The following RASAL2 variants were observed in gnomAD, a reference collection of about 807,000 sequenced individuals.
RASAL2 encodes the protein RAS protein activator like 2.
Under a neutral mutation model 128.9 loss-of-function variants are expected in RASAL2, and 58 were observed. The observed-to-expected ratio is 0.45, with a 90% confidence interval of 0.36 to 0.56. The LOEUF (loss-of-function observed/expected upper bound fraction) is 0.56. Among genes scored for constraint, RASAL2 ranks in the 20% least tolerant of loss-of-function variants. RASAL2 has a pLI of 0.00. For missense variants in RASAL2, 1,360 were observed against 1,601.6 expected (o/e 0.85, Z 2.57); for synonymous variants, 561 against 580.8 (o/e 0.97, Z 0.49).
At chr1:178,389,142 C>T (rs1470424394) in intron 3 of RASAL2, 4 of 309,500 alleles carry the variant, frequency 1.3e-5, no homozygotes, top group African/African-American at 6.8e-5. Context: ...TCCGGAGTTA[C>T]GATTTACTCC....
At chr1:178,454,338 C>T (rs1460322996) in intron 11 of RASAL2, 109 bp from the exon 12 acceptor site, 1 of 787,798 alleles carries the variant, frequency 1.3e-6, no homozygotes, top group East Asian at 2.7e-5. Context: ...CAAAATTAGT[C>T]ATTCCCTCCA....
chr1:178,328,840 A>G (rs553324921), intron 3 of RASAL2, among the ~76,000 whole-genome samples: 10 of 152,240 alleles, frequency 6.6e-5, no homozygotes, highest in African/African-American at 2.2e-4. Flanking sequence ...ACAAATCACA[A>G]TTACCAGTAG....
intron 1 of RASAL2, among the ~76,000 whole-genome samples, chr1:178,211,844 C>CA (rs1263191598): frequency 1.3e-5 from 2 of 152,148 alleles, no homozygotes; most frequent in African/African-American, 4.8e-5. Context: ...ACCATCGTAA[C>CA]AGTTACTTGT....
intron 1 of RASAL2, among the ~76,000 whole-genome samples, chr1:178,208,471 T>TG (rs1663133215): frequency 6.6e-6 from 1 of 151,830 alleles, no homozygotes; most frequent in Non-Finnish European, 1.5e-5. Context: ...CTTACTAGGG[T>TG]GGGAAAAAAA....
At position 178,205,348 on chromosome 1, in the gene RASAL2, A is replaced by G. The variant is rs558284740; in HGVS notation, c.203-78216A>G. ...AAAATACATGCTTGTGTGAATTAAC[A>G]GGCTATACCAGATCTTAGAGAAATT... On this transcript the variant is annotated intron_variant, in intron 1 of 17. Coordinates refer to ENST00000367649, the MANE Select transcript of RASAL2 (RefSeq NM_170692.4). 2.4e-3 allele frequency among the ~76,000 whole-genome samples: 370 copies of G among 152,314 alleles called. 1 individual carries two copies. The highest frequency in any genetic ancestry group is 8.6e-3 in the African/African-American group (359 of 41,570).
At chr1:178,413,114 G>A (rs1050471417) in intron 4 of RASAL2, among the ~76,000 whole-genome samples, 1 of 151,590 alleles carries the variant, frequency 6.6e-6, no homozygotes, top group South Asian at 2.1e-4. Flanking sequence ...GCAGTGGCAC[G>A]ATCTCCGGCT....
intron 1 of RASAL2, among the ~76,000 whole-genome samples, chr1:178,239,699 A>G (rs1272743214): frequency 1.3e-5 from 2 of 152,052 alleles, no homozygotes; most frequent in East Asian, 3.8e-4. Flanking sequence ...CACCATCCAT[A>G]TATCACAGTA....
intron 3 of RASAL2, among the ~76,000 whole-genome samples, chr1:178,366,583 A>ACCC (rs1170150772): frequency 5.3e-4 from 20 of 37,914 alleles, no homozygotes; most frequent in East Asian, 2.2e-3. Context: ...GGTACCTCCC[A>ACCC]CCCCCCCCCG....
At chr1:178,350,834 T>C (rs1571907492) in intron 3 of RASAL2, among the ~76,000 whole-genome samples, 4 of 152,220 alleles carry the variant, frequency 2.6e-5, no homozygotes, top group Admixed American at 2.6e-4. Context: ...AATCTTACTC[T>C]GGTTGGATGT....
At chr1:178,278,804 T>TG (rs1666644034) in intron 1 of RASAL2, among the ~76,000 whole-genome samples, 1 of 152,184 alleles carries the variant, frequency 6.6e-6, no homozygotes, top group South Asian at 2.1e-4. Context: ...AGAAAAAAGT[T>TG]GGAGTGTGTC....
chr1:178,446,585 T>C (rs558444540), intron 9 of RASAL2, among the ~76,000 whole-genome samples: 1 of 152,308 alleles, frequency 6.6e-6, no homozygotes, highest in South Asian at 2.1e-4. Flanking sequence ...TTCACATGTA[T>C]CACACATTTT....
rs1467678024 is a variant in RASAL2 at position 178,255,173 on chromosome 1, G to T, written c.203-28391G>T. 2.0e-5 allele frequency among the ~76,000 whole-genome samples: 3 copies of T among 152,114 alleles called. No homozygotes were observed. In the East Asian group the frequency reaches 5.8e-4, roughly 29 times the overall value. ...CAAAAACTGAGACAAATTGTCACCA[G>T]CAGACTTGCCGTAGAGGAAATACTA... On this transcript the variant is annotated intron_variant, in intron 1 of 17. Transcript: ENST00000367649.
At chr1:178,411,822 A>G (rs878926361) in intron 4 of RASAL2, 2 of 768,290 alleles carry the variant, frequency 2.6e-6, no homozygotes, top group South Asian at 1.4e-5. Flanking sequence ...GCAAGGAGCC[A>G]GGTATCACTG....
At chr1:178,294,932 T>C (rs905557120) in intron 2 of RASAL2, among the ~76,000 whole-genome samples, 1 of 152,126 alleles carries the variant, frequency 6.6e-6, no homozygotes, top group African/African-American at 2.4e-5. Flanking sequence ...CTGAAGTATA[T>C]TGAAAACAGA....
chr1:178,134,561 GCAGGAGACCGATGATTAA>G (rs1206623377), intron 1 of RASAL2, among the ~76,000 whole-genome samples: 2 of 151,732 alleles, frequency 1.3e-5, no homozygotes, highest in East Asian at 3.9e-4. Flanking sequence ...TATTCTAATT[GCAGGAGACCGATGATTAA>G]CAGCAAAAAC....
intron 9 of RASAL2, among the ~76,000 whole-genome samples, chr1:178,447,757 A>C (rs1009125645): frequency 7.9e-5 from 12 of 151,704 alleles, no homozygotes; most frequent in Non-Finnish European, 1.2e-4. Context: ...GCAAGTAAGA[A>C]TAGAGAGGAA....
chr1:178,172,013 T>A (rs1661721796), intron 1 of RASAL2, among the ~76,000 whole-genome samples: 1 of 152,000 alleles, frequency 6.6e-6, no homozygotes, highest in Non-Finnish European at 1.5e-5. Flanking sequence ...GTTCTTCCTT[T>A]CCTTCCATTC....
intron 1 of RASAL2, among the ~76,000 whole-genome samples, chr1:178,230,379 C>G (rs1663954570): frequency 6.6e-6 from 1 of 152,106 alleles, no homozygotes; most frequent in Admixed American, 6.5e-5. Flanking sequence ...CAAACATGTT[C>G]CATAGAAATT....
At chr1:178,143,025 C>A (rs562624586) in intron 1 of RASAL2, among the ~76,000 whole-genome samples, 116 of 151,858 alleles carry the variant, frequency 7.6e-4, no homozygotes, top group Non-Finnish European at 1.5e-3. Context: ...CTTCACAGGC[C>A]CTGACTGTCT....
Sources: allele counts gnomAD v4.1 joint callset (sites outside exome capture counted in the v4.1 genomes callset), GRCh38; gene constraint gnomAD v4.1.1; transcripts MANE v1.5; gene names NCBI Gene and HGNC (gene_info 2026-07-23, HGNC 2026-07-21).